The following IKBKB variants were observed in gnomAD, a reference collection of about 807,000 sequenced individuals.
IKBKB encodes inhibitor of nuclear factor kappa-B kinase subunit beta.
A neutral mutation model predicts 113.6 loss-of-function variants in IKBKB; 42 were observed. That is an observed-to-expected ratio of 0.37 (90% CI 0.29 to 0.48). The LOEUF is 0.48. Ranked by LOEUF, IKBKB falls within the 20% of genes least tolerant of loss-of-function variation. IKBKB has a pLI of 0.99. For synonymous variants in IKBKB, 296 were observed against 361.3 expected (o/e 0.82, Z 2.05); for missense variants, 673 against 939.7 (o/e 0.72, Z 3.71).
At chr8:42,280,864 T>G (rs1810247650) in intron 2 of IKBKB, among the ~76,000 whole-genome samples, 1 of 152,178 alleles carries the variant, frequency 6.6e-6, no homozygotes, top group African/African-American at 2.4e-5. Flanking sequence ...AAGGCAAAGC[T>G]TTCCACAGCT....
intron 2 of IKBKB, among the ~76,000 whole-genome samples, chr8:42,282,966 CT>C (rs1810665157): frequency 6.6e-6 from 1 of 152,228 alleles, no homozygotes; most frequent in Admixed American, 6.5e-5. Context: ...TAGGGCGAAG[CT>C]GAGCTGTCTG....
At chr8:42,309,501 TC>T in intron 8 of IKBKB, 2 of 417,302 alleles carry the variant, frequency 4.8e-6, no homozygotes, top group Non-Finnish European at 9.5e-6. Context: ...ACTCCTGTAA[TC>T]CCAGCACTTT....
chr8:42,297,930 C>T (rs531393938), intron 5 of IKBKB: 5 of 181,132 alleles, frequency 2.8e-5, no homozygotes, highest in South Asian at 1.9e-4. Flanking sequence ...AGCTGCCTGG[C>T]GGGCACAGAG....
chr8:42,310,508 C>T lies in IKBKB; in HGVS notation c.692+1483C>T, dbSNP rs534797762. On this transcript the variant is annotated intron_variant, in intron 8 of 21. Transcript: ENST00000520810. ...TCCCAATGGTAGCATTATCTGAACA[C>T]GGTCCTGCACATGCTTTCAAGCTTT... is the stretch of plus-strand genomic sequence containing the variant. 4.6e-5 allele frequency among the ~76,000 whole-genome samples: 7 copies of T among 152,300 alleles called. No homozygotes were observed. The South Asian group carries it at 1.5e-3, about 32-fold the overall frequency.
chr8:42,304,033 A>G (rs904232648), intron 5 of IKBKB, among the ~76,000 whole-genome samples: 8 of 152,182 alleles, frequency 5.3e-5, no homozygotes, highest in Admixed American at 5.2e-4. Context: ...TTTTTGCTAC[A>G]TGTATCCCAT....
intron 8 of IKBKB, among the ~76,000 whole-genome samples, chr8:42,310,026 C>T (rs961920879): frequency 3.9e-5 from 6 of 152,138 alleles, no homozygotes; most frequent in African/African-American, 7.2e-5. Context: ...ATGTGTACAT[C>T]ATGTTGTACA....
intron 2 of IKBKB, among the ~76,000 whole-genome samples, chr8:42,287,401 A>C (rs532325630): frequency 6.6e-6 from 1 of 152,404 alleles, no homozygotes; most frequent in African/African-American, 2.4e-5. Flanking sequence ...TGGCATGTGC[A>C]CTGAAGGAAT....
chr8:42,300,191 C>G (rs1420785417), intron 5 of IKBKB, among the ~76,000 whole-genome samples: 3 of 152,336 alleles, frequency 2.0e-5, no homozygotes, highest in Non-Finnish European at 4.4e-5. Flanking sequence ...CTCCCCATGT[C>G]CACAGCTGGC....
intron 2 of IKBKB, 113 bp from the exon 3 acceptor site, chr8:42,288,521 C>T: frequency 1.4e-6 from 1 of 698,660 alleles, no homozygotes; most frequent in South Asian, 1.7e-5. Context: ...CTTGGAGCAC[C>T]AGGAGGTGAT....
In IKBKB at chr8:42,290,376, G is replaced by A. The variant is rs2294097; in HGVS notation, c.318+103G>A. On this transcript the variant is annotated intron_variant, in intron 4 of 21. Transcript: ENST00000520810. ...CACTTCTGTCATCATCAGGAAGCTT[G>A]GGGAGCCCCAGTGACTCCAGCAGGG... 84,877 of 808,578 alleles carry A rather than the reference G, an allele frequency of 0.1. 13,838 individuals are homozygous for A. The highest frequency in any genetic ancestry group is 0.6 in the African/African-American group (36,019 of 59,798). 50.1% of individuals were successfully genotyped at this position (808,578 alleles called of 1,614,324 possible). A position where few individuals can be genotyped will look rare whatever the true frequency, so the allele number is the denominator to read the frequency against.
chr8:42,293,057 G>A (rs887924115), intron 4 of IKBKB, among the ~76,000 whole-genome samples: 2 of 152,180 alleles, frequency 1.3e-5, no homozygotes, highest in Non-Finnish European at 2.9e-5. Context: ...GGTGGTCGGA[G>A]GGTGGTATCC....
At chr8:42,318,207 G>A (rs546943361) in intron 12 of IKBKB, among the ~76,000 whole-genome samples, 64 of 151,870 alleles carry the variant, frequency 4.2e-4, no homozygotes, top group Non-Finnish European at 6.5e-4. Flanking sequence ...GCTGCAGTGA[G>A]TCATGATCAC....
intron 7 of IKBKB, among the ~76,000 whole-genome samples, chr8:42,307,640 C>T (rs547553803): frequency 2.6e-5 from 4 of 152,248 alleles, no homozygotes; most frequent in African/African-American, 9.6e-5. Context: ...CAGAGTGGGT[C>T]TCACAGAGGG....
chr8:42,291,983 AAG>A (rs1812745996), intron 4 of IKBKB, among the ~76,000 whole-genome samples: 1 of 152,086 alleles, frequency 6.6e-6, no homozygotes, highest in South Asian at 2.1e-4. Flanking sequence ...AATAAAATAA[AAG>A]AAACTTTCCA....
At chr8:42,300,561 T>G (rs1342790367) in intron 5 of IKBKB, among the ~76,000 whole-genome samples, 7 of 152,164 alleles carry the variant, frequency 4.6e-5, no homozygotes, top group Admixed American at 3.9e-4. Flanking sequence ...CAGTTTGTGG[T>G]TTGTCATCTG....
Position 42,271,458 on chromosome 8 carries a change from C to T in IKBKB, c.-30C>T. 1.5e-6 allele frequency: 2 copies of T among 1,323,630 alleles called. No individual in the cohort carries two copies. The highest frequency in any genetic ancestry group is 2.5e-5 in the South Asian group (2 of 78,642). 82.0% of individuals were successfully genotyped at this position (1,323,630 alleles called of 1,614,324 possible). On this transcript the variant is annotated 5_prime_UTR_variant, in exon 1 of 22. Transcript: ENST00000520810. ...GGGGAGCCCGCCCCCTGCCCCGCGTCCCTGCCGACAGGTGAGTCCCCCTCG... is the reference window on the plus strand; with the variant it reads ...GGGGAGCCCGCCCCCTGCCCCGCGTTCCTGCCGACAGGTGAGTCCCCCTCG...
chr8:42,323,119 C>T (rs923021198), intron 19 of IKBKB, among the ~76,000 whole-genome samples: 3 of 152,208 alleles, frequency 2.0e-5, no homozygotes, highest in African/African-American at 7.2e-5. Flanking sequence ...ATCTGGGTGA[C>T]TCTTACAAGA....
rs1405195129 is a variant in IKBKB at position 42,286,760 on chromosome 8, A to G, written c.106-1874A>G. On this transcript the variant is annotated intron_variant, in intron 2 of 21. Coordinates refer to ENST00000520810, the MANE Select transcript of IKBKB (RefSeq NM_001556.3). ...AGATTTATGATTCTTTTCAGTTTGCATCTTCATAAACTGAGAAAACAGAAA... is the reference window on the plus strand; with the variant it reads ...AGATTTATGATTCTTTTCAGTTTGCGTCTTCATAAACTGAGAAAACAGAAA... 2.0e-5 allele frequency among the ~76,000 whole-genome samples: 3 copies of G among 152,208 alleles called. 1 individual carries two copies. Among genetic ancestry groups the G allele is most frequent in the South Asian group, 2.1e-4 (1 of 4,836 alleles).
At chr8:42,280,267 C>T (rs1760469970) in intron 2 of IKBKB, among the ~76,000 whole-genome samples, 1 of 152,200 alleles carries the variant, frequency 6.6e-6, no homozygotes, top group Non-Finnish European at 1.5e-5. Flanking sequence ...CCACAACCTG[C>T]TTCCCCTGTT....
Sources: gnomAD v4.1 joint callset for allele counts (sites outside exome capture counted in the v4.1 genomes callset) on GRCh38, gnomAD v4.1.1 for gene constraint, MANE v1.5 for transcripts, NCBI Gene and HGNC (gene_info 2026-07-23, HGNC 2026-07-21) for gene names.